The following CALN1 variants were observed in gnomAD, a reference collection of about 807,000 sequenced individuals.
CALN1 encodes calcium-binding protein 8.
CALN1 carries 17 observed loss-of-function variants against 30.6 expected under a neutral mutation model. That is an observed-to-expected ratio of 0.56 (90% CI 0.38 to 0.83). The LOEUF is 0.83. Ranked by LOEUF, CALN1 falls within the 40% of genes least tolerant of loss-of-function variation. The pLI is 0.00. For synonymous variants in CALN1, 156 were observed against 131.4 expected, an observed-to-expected ratio of 1.19 and a Z score of -1.28; for missense variants, 291 against 354.9, an observed-to-expected ratio of 0.82 and a Z score of 1.45.
intron 2 of CALN1, among the ~76,000 whole-genome samples, chr7:72,330,090 C>A (rs1801560967): frequency 2.6e-5 from 4 of 151,940 alleles, no homozygotes; most frequent in Admixed American, 2.6e-4. Flanking sequence ...GTCAGGAGTT[C>A]AAGACCAGCC....
chr7:71,806,397 C>T (rs1212028553), intron 6 of CALN1, among the ~76,000 whole-genome samples: 2 of 151,704 alleles, frequency 1.3e-5, no homozygotes, highest in Non-Finnish European at 2.9e-5. Context: ...ACCTCCACCT[C>T]CTGGGCTCAA....
chr7:72,050,924 G>A (rs1802791910), intron 4 of CALN1, among the ~76,000 whole-genome samples: 1 of 151,774 alleles, frequency 6.6e-6, no homozygotes, highest in African/African-American at 2.4e-5. Context: ...CCCAGGAGGT[G>A]GAGGTTGCAG....
intron 2 of CALN1, among the ~76,000 whole-genome samples, chr7:72,331,430 C>A (rs191643181): frequency 6.6e-6 from 1 of 151,664 alleles, no homozygotes; most frequent in Non-Finnish European, 1.5e-5. Context: ...CAGAAACCTA[C>A]CCCTAGATAC....
intron 2 of CALN1, among the ~76,000 whole-genome samples, chr7:72,364,874 A>G (rs891192721): frequency 2.0e-5 from 3 of 152,224 alleles, no homozygotes; most frequent in African/African-American, 7.2e-5. Flanking sequence ...GTCTCTACTA[A>G]AAACACAAAA....
intron 2 of CALN1, among the ~76,000 whole-genome samples, chr7:72,313,534 C>T (rs1295396784): frequency 1.3e-5 from 2 of 152,024 alleles, no homozygotes; most frequent in African/African-American, 4.8e-5. Context: ...CTGGGACTAT[C>T]GGTGCGTACC....
intron 5 of CALN1, among the ~76,000 whole-genome samples, chr7:71,819,670 C>A (rs769805264): frequency 2.0e-5 from 3 of 152,138 alleles, no homozygotes; most frequent in African/African-American, 4.8e-5. Context: ...TCACTGCAAA[C>A]CCAACAACCA....
chr7:71,873,312 ATTT>A (rs1432660576), intron 5 of CALN1, among the ~76,000 whole-genome samples: 1 of 151,394 alleles, frequency 6.6e-6, no homozygotes, highest in East Asian at 1.9e-4. Flanking sequence ...CCAGCCGAAA[ATTT>A]TTTTTTGTGG....
intron 3 of CALN1, among the ~76,000 whole-genome samples, chr7:72,252,826 A>G (rs1795656487): frequency 6.6e-6 from 1 of 152,192 alleles, no homozygotes; most frequent in African/African-American, 2.4e-5. Context: ...TGCTGCCACA[A>G]GAGCAGAAGC....
At chr7:72,167,256 G>A (rs79564319) in intron 3 of CALN1, among the ~76,000 whole-genome samples, 88 of 152,300 alleles carry the variant, frequency 5.8e-4, no homozygotes, top group African/African-American at 2.0e-3. Context: ...AACCAAGTAC[G>A]TGGGGCTGCT....
At chr7:72,046,658 C>A (rs1048600606) in intron 4 of CALN1, among the ~76,000 whole-genome samples, 4 of 144,306 alleles carry the variant, frequency 2.8e-5, no homozygotes, top group African/African-American at 7.8e-5. Flanking sequence ...TGCAGTGAGC[C>A]GAGATCACGC....
chr7:72,201,388 A>T (rs1445498986), intron 3 of CALN1, among the ~76,000 whole-genome samples: 1 of 152,106 alleles, frequency 6.6e-6, no homozygotes, highest in Non-Finnish European at 1.5e-5. Flanking sequence ...CAGACATTCA[A>T]GACCAGCCTG....
intron 3 of CALN1, among the ~76,000 whole-genome samples, chr7:72,257,529 A>G (rs1261504170): frequency 6.6e-6 from 1 of 152,246 alleles, no homozygotes; most frequent in Non-Finnish European, 1.5e-5. Flanking sequence ...GTAAACTAGT[A>G]CAACCACTAT....
At chr7:72,384,360 TG>T (rs764061841) in intron 2 of CALN1, among the ~76,000 whole-genome samples, 5 of 152,164 alleles carry the variant, frequency 3.3e-5, no homozygotes, top group Non-Finnish European at 7.3e-5. Flanking sequence ...CAAATGCTGC[TG>T]GAACAACTGA....
chr7:71,896,536 T>C (rs143640057), intron 5 of CALN1, among the ~76,000 whole-genome samples: 55 of 152,302 alleles, frequency 3.6e-4, no homozygotes, highest in African/African-American at 1.1e-3. Context: ...CGAAATTAGA[T>C]GAGAATCTTA....
intron 2 of CALN1, among the ~76,000 whole-genome samples, chr7:72,364,951 C>T (rs1376856153): frequency 2.0e-5 from 3 of 151,196 alleles, no homozygotes; most frequent in Non-Finnish European, 4.4e-5. Context: ...AGGCGGATCA[C>T]CTGAGGTCAG....
the CALN1 span, among the ~76,000 whole-genome samples, chr7:72,487,868 GAAAGAAAGAAAGAAAGA>G: frequency 1.4e-5 from 1 of 71,418 alleles, no homozygotes; most frequent in African/African-American, 8.4e-5. Flanking sequence ...AAGAAAGAAA[GAAAGAAAGAAAGAAAGA>G]AAAGAAAAGA....
chr7:71,857,348 G>A (rs1791016914), intron 5 of CALN1, among the ~76,000 whole-genome samples: 1 of 152,148 alleles, frequency 6.6e-6, no homozygotes, highest in African/African-American at 2.4e-5. Flanking sequence ...ATTGCTCAGA[G>A]TTAAGAATTC....
rs1800497042 is a variant in CALN1, at chr7:72,316,944, C to CA, written c.120-38135dup. Reference sequence around the variant, plus strand: ...TGGGCGACAGAGCAAGACTGCCTCTCAAAAGAAAAATAAACAAATAAACGA... The same window carrying CA: ...TGGGCGACAGAGCAAGACTGCCTCTCAAAAAGAAAAATAAACAAATAAACGA... On this transcript the variant is annotated intron_variant, in intron 2 of 6. Coordinates refer to ENST00000395275, the MANE Select transcript of CALN1 (RefSeq NM_031468.4). 4.7e-5 allele frequency among the ~76,000 whole-genome samples: 6 copies of CA among 127,640 alleles called. No homozygotes were observed. In the South Asian group the frequency reaches 1.6e-3, roughly 34 times the overall value. The allele number at this position is 127,640 out of a possible 152,430, so 83.7% of individuals were successfully genotyped here. A position where few individuals can be genotyped will look rare whatever the true frequency, so the allele number is the denominator to read the frequency against.
At chr7:72,168,253 T>G (rs542740201) in intron 3 of CALN1, among the ~76,000 whole-genome samples, 8 of 147,794 alleles carry the variant, frequency 5.4e-5, no homozygotes, top group African/African-American at 1.7e-4. Flanking sequence ...AAAAAAGAAA[T>G]AACTTGGGAA....
Sources: gnomAD v4.1 joint callset for allele counts (sites outside exome capture counted in the v4.1 genomes callset) on GRCh38, gnomAD v4.1.1 for gene constraint, MANE v1.5 for transcripts, NCBI Gene and HGNC (gene_info 2026-07-23, HGNC 2026-07-21) for gene names.